The following PDZD2 variants were observed in gnomAD, a reference collection of about 807,000 sequenced individuals.
PDZD2 encodes the protein PDZ domain containing 2.
PDZD2 carries 90 observed loss-of-function variants against 220.7 expected under a neutral mutation model. The observed-to-expected ratio is 0.41, with a 90% confidence interval of 0.34 to 0.49. The LOEUF is 0.49. Among genes scored for constraint, PDZD2 ranks in the 20% least tolerant of loss-of-function variants. The probability of loss-of-function intolerance (pLI) is 0.28; values close to 1 mark genes in which losing one functional copy is unlikely to be tolerated. For synonymous variants in PDZD2, 1,375 were observed against 1,450.5 expected (o/e 0.95, Z 1.18); for missense variants, 3,174 against 3,608.5 (o/e 0.88, Z 3.08).
chr5:31,730,592 GGTGT>G (rs55673526), intron 1 of PDZD2, among the ~76,000 whole-genome samples: 1 of 121,172 alleles, frequency 8.3e-6, no homozygotes, highest in Non-Finnish European at 1.8e-5. Context: ...GTGTGTGTGT[GGTGT>G]GTGTGTGTGT....
intron 2 of PDZD2, among the ~76,000 whole-genome samples, chr5:31,921,569 G>A (rs1334080943): frequency 2.0e-5 from 3 of 151,954 alleles, no homozygotes; most frequent in East Asian, 1.9e-4. Flanking sequence ...CTGCCCCTGC[G>A]GTCCCGGGTA....
intron 2 of PDZD2, among the ~76,000 whole-genome samples, chr5:31,875,171 C>T (rs1199988580): frequency 1.3e-5 from 2 of 152,178 alleles, no homozygotes; most frequent in Non-Finnish European, 2.9e-5. Context: ...AAATTCTCTA[C>T]ATCCTCTATA....
intron 1 of PDZD2, among the ~76,000 whole-genome samples, chr5:31,699,557 T>C (rs957238623): frequency 2.6e-5 from 4 of 152,106 alleles, no homozygotes; most frequent in African/African-American, 7.2e-5. Flanking sequence ...GAGATCAGCC[T>C]GGGCAACATG....
At chr5:32,007,297 G>A (rs1323037050) in intron 5 of PDZD2, among the ~76,000 whole-genome samples, 1 of 151,556 alleles carries the variant, frequency 6.6e-6, no homozygotes, top group East Asian at 1.9e-4. Flanking sequence ...ACGGGTATGA[G>A]CCACTACACC....
intron 2 of PDZD2, among the ~76,000 whole-genome samples, chr5:31,948,259 G>A (rs1369930158): frequency 6.6e-6 from 1 of 152,158 alleles, no homozygotes; most frequent in African/African-American, 2.4e-5. Context: ...GCTGGGACAT[G>A]TAAGTCAGAG....
chr5:31,646,742 C>T lies in PDZD2; in HGVS notation c.-361+7305C>T, dbSNP rs1043761478. ...CCATGCAAATATTATTACAAAACCA[C>T]TCAGCATACAAAATTGGCATAGCTT... On this transcript the variant is annotated intron_variant, in intron 1 of 24. Coordinates refer to ENST00000438447, the MANE Select transcript of PDZD2 (RefSeq NM_178140.4). This position sits in a 1 kb window ranked among gnomAD's most constrained non-coding sequence, Gnocchi z 4.7. Among the ~76,000 whole-genome samples, 5 of 152,154 alleles carry T rather than the reference C, an allele frequency of 3.3e-5. No homozygotes were observed. The highest frequency in any genetic ancestry group is 7.2e-5 in the African/African-American group (3 of 41,448).
intron 5 of PDZD2, among the ~76,000 whole-genome samples, chr5:32,002,650 C>CT: frequency 1.6e-5 from 2 of 126,772 alleles, no homozygotes; most frequent in African/African-American, 2.8e-5. Flanking sequence ...ACACACACCC[C>CT]ACATACTACA....
chr5:31,954,032 C>A (rs1021479316), intron 2 of PDZD2, among the ~76,000 whole-genome samples: 5 of 151,962 alleles, frequency 3.3e-5, no homozygotes, highest in African/African-American at 1.2e-4. Flanking sequence ...AGAAGGATCA[C>A]TTGAGTTCAG....
At chr5:31,664,280 G>A (rs1334823085) in intron 1 of PDZD2, among the ~76,000 whole-genome samples, 1 of 151,902 alleles carries the variant, frequency 6.6e-6, no homozygotes, top group Non-Finnish European at 1.5e-5. Context: ...CAGGATTACC[G>A]ACACGCACCA....
intron 8 of PDZD2, among the ~76,000 whole-genome samples, chr5:32,049,571 C>A (rs1276305863): frequency 6.6e-6 from 1 of 152,206 alleles, no homozygotes; most frequent in Non-Finnish European, 1.5e-5. Flanking sequence ...GCAACTGAAT[C>A]TCAAAGGGGT....
At chr5:31,801,208 C>A (rs1160190687) in intron 2 of PDZD2, among the ~76,000 whole-genome samples, 1 of 152,230 alleles carries the variant, frequency 6.6e-6, no homozygotes, top group African/African-American at 2.4e-5. Flanking sequence ...GCAGTAGACA[C>A]TCTCACCAGT....
intron 1 of PDZD2, among the ~76,000 whole-genome samples, chr5:31,712,676 C>T (rs971125363): frequency 6.6e-6 from 1 of 152,114 alleles, no homozygotes; most frequent in African/African-American, 2.4e-5. Flanking sequence ...ATTCCATTGG[C>T]CGAGCAGTCA....
rs201904084 is a variant in PDZD2 at position 32,098,547 on chromosome 5, C to A, written c.8131C>A (p.Pro2711Thr). The A allele has an allele frequency of 2.0e-5, 33 of 1,613,994 alleles. No individual in the cohort carries two copies. Among genetic ancestry groups the A allele is most frequent in the Non-Finnish European group, 2.5e-5 (29 of 1,179,966 alleles). ...LVVIKKGMDQPRPSARQEPPT... is the reference protein window; with the variant it reads ...LVVIKKGMDQTRPSARQEPPT... ...GGTCATCAAGAAAGGGATGGATCAG[C>A]CCAGGCCCTCTGCCCGGCAGGAGCC... Residue 2711 changes from proline (P) to threonine (T), a missense_variant, in exon 23 of 25, where the codon CCC becomes ACC. Around this residue, in one of 4 missense-constraint regions of PDZD2, gnomAD observed 631 missense variants for 789.9 expected, o/e 0.80. Coordinates refer to ENST00000438447, the MANE Select transcript of PDZD2 (RefSeq NM_178140.4). The surrounding 1 kb of genome is among the most constrained non-coding windows in gnomAD (Gnocchi z 4.1).
At chr5:31,923,381 CAA>C in intron 2 of PDZD2, 1 of 1,233,620 alleles carries the variant, frequency 8.1e-7, no homozygotes, top group Non-Finnish European at 1.2e-6. Flanking sequence ...TGAAGCTGAG[CAA>C]AGAGGCCAAG....
chr5:32,091,179 A>G lies in PDZD2; in HGVS notation c.7727+4A>G, dbSNP rs1355103951. On this transcript the variant is annotated splice_donor_region_variant and intron_variant, in intron 20 of 24. Transcript: ENST00000438447. The stretch of plus-strand genomic sequence containing the variant: ...TTAGAAGAAGCTGGTCAGTTAAGTA[A>G]GTATCTGCCCACTACTTTTATTTCA... 1.9e-6 allele frequency: 3 copies of G among 1,538,628 alleles called. No individual in the cohort carries two copies. The African/African-American group carries it at 4.1e-5, about 21-fold the overall frequency.
At chr5:31,955,683 C>CTT (rs34964306) in intron 2 of PDZD2, among the ~76,000 whole-genome samples, 50 of 116,856 alleles carry the variant, frequency 4.3e-4, no homozygotes, top group East Asian at 3.0e-3. Context: ...GGGCTCTGTT[C>CTT]TTTTTTTTTT....
intron 1 of PDZD2, among the ~76,000 whole-genome samples, chr5:31,699,180 C>T (rs1047292249): frequency 4.6e-5 from 7 of 152,074 alleles, no homozygotes; most frequent in Non-Finnish European, 8.8e-5. Flanking sequence ...GTACCCAACC[C>T]GTCCCGTTCA....
chr5:31,749,615 C>T (rs1215539152), intron 1 of PDZD2, among the ~76,000 whole-genome samples: 5 of 152,000 alleles, frequency 3.3e-5, no homozygotes, highest in East Asian at 3.9e-4. Context: ...GTAGAGACAG[C>T]GTTTCACCAT....
intron 2 of PDZD2, among the ~76,000 whole-genome samples, chr5:31,944,149 T>C (rs937113460): frequency 6.6e-6 from 1 of 152,268 alleles, no homozygotes; most frequent in Non-Finnish European, 1.5e-5. Context: ...ATTGGTTTTC[T>C]TTGTAATCCT....
Sources: gnomAD v4.1 joint callset for allele counts (sites outside exome capture counted in the v4.1 genomes callset) on GRCh38, gnomAD v4.1.1 for gene constraint, gnomAD v4.1.1 regional missense constraint, Gnocchi (gnomAD v3.1) non-coding constraint, MANE v1.5 for transcripts, NCBI Gene and HGNC (gene_info 2026-07-23, HGNC 2026-07-21) for gene names.